EBAG9: variants seen among roughly 807,000 people sequenced by gnomAD.
EBAG9 encodes receptor-binding cancer antigen expressed on SiSo cells.
In EBAG9, 16 loss-of-function variants were observed where a neutral mutation model predicts 30.9. The observed-to-expected ratio is 0.52, with a 90% CI of 0.35 to 0.79. The LOEUF (loss-of-function observed/expected upper bound fraction) is 0.79, where lower values mean the gene tolerates loss of function less well. Ranked by LOEUF, EBAG9 falls within the 30% of genes least tolerant of loss-of-function variation. The pLI is 0.01. For synonymous variants in EBAG9, 93 were observed against 82.8 expected, an observed-to-expected ratio of 1.12 and a Z score of -0.67; for missense variants, 197 against 242.1, an observed-to-expected ratio of 0.81 and a Z score of 1.24.
chr8:109,557,551 C>T (rs979626121), intron 5 of EBAG9, among the ~76,000 whole-genome samples: 3 of 152,138 alleles, frequency 2.0e-5, no homozygotes, highest in Non-Finnish European at 4.4e-5. Flanking sequence ...CCAGACCCCT[C>T]CCTACCTAAG....
chr8:109,551,274 A>G (rs113346792), intron 2 of EBAG9, among the ~76,000 whole-genome samples: 5 of 152,052 alleles, frequency 3.3e-5, no homozygotes, highest in Non-Finnish European at 7.4e-5. Context: ...ATTTCTGTCT[A>G]TACTACAATA....
intron 4 of EBAG9, among the ~76,000 whole-genome samples, chr8:109,556,047 A>G (rs181806611): frequency 5.9e-5 from 9 of 152,226 alleles, no homozygotes; most frequent in Non-Finnish European, 1.3e-4. Context: ...GTAAATGAAG[A>G]TTTATTTCTT....
chr8:109,546,262 G>A (rs1304782854), intron 1 of EBAG9, among the ~76,000 whole-genome samples: 6 of 152,156 alleles, frequency 3.9e-5, no homozygotes, highest in East Asian at 1.9e-4. Context: ...AAATGTCTTC[G>A]TGTAGATTGT....
rs1292906417 is a variant in EBAG9, at chr8:109,564,512, C to T, written c.595C>T (p.Arg199Trp). The stretch of plus-strand genomic sequence containing the variant: ...GAAGAAAATGGAAAAGGAAGCACAA[C>T]GGCTAATGAAGAAGGAACAAAACAA... ...QRKKMEKEAQ[R>W]LMKKEQNKIG... Residue 199 changes from arginine (R) to tryptophan (W), a missense_variant, in exon 7 of 7, where the codon CGG becomes TGG. Transcript: ENST00000337573. 6.2e-6 allele frequency: 10 copies of T among 1,612,586 alleles called. No homozygotes were observed. The highest frequency in any genetic ancestry group is 7.6e-6 in the Non-Finnish European group (9 of 1,178,974).
intron 1 of EBAG9, chr8:109,540,833 A>C (rs1821258721): frequency 6.6e-6 from 1 of 152,184 alleles, no homozygotes; most frequent in Non-Finnish European, 1.5e-5. Context: ...TATGGTTTTC[A>C]AATTTTGGTA....
chr8:109,543,780 C>T lies in EBAG9; in HGVS notation c.-16+3319C>T, dbSNP rs377610092. On this transcript the variant is annotated intron_variant, in intron 1 of 6. Transcript: ENST00000337573. ...GCATGGTAGCTCACACCTGTAATCC[C>T]AGCACTTTGGGAGGCTGAGGCAGGC... Among the ~76,000 whole-genome samples the T allele has an allele frequency of 1.3e-3, 196 of 152,192 alleles. 1 individual carries two copies. The highest frequency in any genetic ancestry group is 6.8e-3 in the Middle Eastern group (2 of 294).
At chr8:109,551,448 A>G (rs1301081563) in intron 2 of EBAG9, among the ~76,000 whole-genome samples, 2 of 152,124 alleles carry the variant, frequency 1.3e-5, no homozygotes, top group Non-Finnish European at 2.9e-5. Flanking sequence ...GTTTTGTCAC[A>G]CGATCATACC....
intron 1 of EBAG9, among the ~76,000 whole-genome samples, chr8:109,547,232 ATGTT>A (rs1324782629): frequency 2.0e-5 from 3 of 152,112 alleles, no homozygotes; most frequent in Admixed American, 6.5e-5. Flanking sequence ...CATATGGTAG[ATGTT>A]TGTTAAACTT....
At chr8:109,544,355 A>G (rs1821341989) in intron 1 of EBAG9, among the ~76,000 whole-genome samples, 1 of 152,222 alleles carries the variant, frequency 6.6e-6, no homozygotes, top group Non-Finnish European at 1.5e-5. Context: ...TGTTTTAAGA[A>G]GTCAGCACTC....
At chr8:109,550,984 TGGACA>T in intron 2 of EBAG9, 77 bp downstream of exon 2, 1 of 925,120 alleles carries the variant, frequency 1.1e-6, no homozygotes. Context: ...TCAAATTTCG[TGGACA>T]GGACAGGTTA....
chr8:109,555,952 G>A (rs1292184081), intron 4 of EBAG9, among the ~76,000 whole-genome samples: 1 of 152,060 alleles, frequency 6.6e-6, no homozygotes, highest in Non-Finnish European at 1.5e-5. Flanking sequence ...TTCTTCAAGT[G>A]TTTGTCATCG....
intron 1 of EBAG9, among the ~76,000 whole-genome samples, chr8:109,547,632 G>A (rs1479684583): frequency 2.0e-5 from 3 of 151,598 alleles, no homozygotes; most frequent in Non-Finnish European, 4.4e-5. Context: ...AGGTGCCCGC[G>A]ACCATGCCCG....
Position 109,564,788 on chromosome 8 carries a change from T to C in EBAG9, c.*229T>C, listed in dbSNP as rs1821787196. ...AATGTTTTCTTCAACATGCTCCAAA[T>C]ATAAGACATTTGTTTGCTGTACAGA... On this transcript the variant is annotated 3_prime_UTR_variant, in exon 7 of 7. Transcript: ENST00000337573. The C allele has an allele frequency of 2.4e-6, 1 of 408,694 alleles. No homozygotes were observed. The highest frequency in any genetic ancestry group is 3.5e-5 in the South Asian group (1 of 28,422). 25.3% of individuals were successfully genotyped at this position (408,694 alleles called of 1,614,324 possible). A position where few individuals can be genotyped will look rare whatever the true frequency, so the allele number is the denominator to read the frequency against.
At chr8:109,548,320 A>G (rs970050120) in intron 1 of EBAG9, among the ~76,000 whole-genome samples, 2 of 151,802 alleles carry the variant, frequency 1.3e-5, no homozygotes, top group African/African-American at 2.4e-5. Flanking sequence ...ACGTGGGTCT[A>G]TTCCTTTACT....
At chr8:109,559,096 T>C (rs1255487658) in intron 5 of EBAG9, among the ~76,000 whole-genome samples, 2 of 152,146 alleles carry the variant, frequency 1.3e-5, no homozygotes, top group Admixed American at 6.5e-5. Context: ...GAATAGATAA[T>C]ATGAATGGGA....
intron 1 of EBAG9, among the ~76,000 whole-genome samples, chr8:109,545,119 C>A (rs1456485011): frequency 6.6e-6 from 1 of 151,700 alleles, no homozygotes; most frequent in Admixed American, 6.6e-5. Flanking sequence ...GTCAAGAGCT[C>A]GAGATTAGCC....
intron 3 of EBAG9, among the ~76,000 whole-genome samples, chr8:109,554,287 A>G (rs1380657909): frequency 2.0e-5 from 3 of 152,154 alleles, no homozygotes; most frequent in African/African-American, 7.2e-5. Context: ...TATTGTTTTT[A>G]TATGCTGAAT....
At chr8:109,554,555 AT>A (rs1821557708) in intron 3 of EBAG9, among the ~76,000 whole-genome samples, 173 bp from the exon 4 acceptor site, 1 of 152,156 alleles carries the variant, frequency 6.6e-6, no homozygotes, top group Non-Finnish European at 1.5e-5. Context: ...AATGTCTTGT[AT>A]TTTTTGAACT....
At chr8:109,553,973 T>C in intron 3 of EBAG9, 30 bp downstream of exon 3, 1 of 1,532,434 alleles carries the variant, frequency 6.5e-7, no homozygotes, top group Non-Finnish European at 8.9e-7. Flanking sequence ...TCTTTTGTTT[T>C]GTTTTGTTTT....
Sources: allele counts gnomAD v4.1 joint callset (sites outside exome capture counted in the v4.1 genomes callset), GRCh38; gene constraint gnomAD v4.1.1; transcripts MANE v1.5; gene names NCBI Gene and HGNC (gene_info 2026-07-23, HGNC 2026-07-21).